FAM153A: variants seen among roughly 807,000 people sequenced by gnomAD.
The protein encoded by FAM153A is protein FAM153A.
FAM153A carries 12 observed loss-of-function variants against 48.1 expected under a neutral mutation model. That is an observed-to-expected ratio of 0.25 (90% confidence interval 0.16 to 0.40). The LOEUF (loss-of-function observed/expected upper bound fraction) is 0.40. Among genes scored for constraint, FAM153A ranks in the 10% least tolerant of loss-of-function variants. The pLI, the probability that FAM153A is intolerant of heterozygous loss-of-function variation, is 1.00. For synonymous variants in FAM153A, 36 were observed against 118.2 expected, an observed-to-expected ratio of 0.30 and a Z score of 4.51; for missense variants, 111 against 345.8, an observed-to-expected ratio of 0.32 and a Z score of 5.38.
Position 177,739,670 on chromosome 5 carries a change from T to C in FAM153A, c.467A>G (p.Asp156Gly). Residue 156 changes from aspartate to glycine, a missense_variant and splice_region_variant, in exon 9 of 21, where the codon GAT (aspartate) becomes GGT (glycine). Coordinates refer to ENST00000614127, the Ensembl canonical transcript of FAM153A. ...TTCTGCTATAAACTCCTCTAGATGATCTAGGAGAAATAGGGTAAGTGTCAC... is the reference window on the plus strand; with the variant it reads ...TTCTGCTATAAACTCCTCTAGATGACCTAGGAGAAATAGGGTAAGTGTCAC... 3 of 490,960 alleles carry C rather than the reference T, an allele frequency of 6.1e-6. 1 individual carries two copies. Among genetic ancestry groups the C allele is most frequent in the Non-Finnish European group, 9.2e-6 (3 of 324,644 alleles). The allele number at this position is 490,960 out of a possible 1,614,324, so 30.4% of individuals were successfully genotyped here.
At chr5:177,705,729 G>A (rs1202030111), downstream of FAM153A, among the ~76,000 whole-genome samples, 4 of 138,290 alleles carry the variant, frequency 2.9e-5, no homozygotes, top group South Asian at 2.3e-4. Context: ...ACATGATCTC[G>A]GCTCACTGCA....
intron 10 of FAM153A, among the ~76,000 whole-genome samples, chr5:177,738,558 A>T (rs990695853): frequency 8.6e-5 from 13 of 151,362 alleles, no homozygotes; most frequent in Non-Finnish European, 1.5e-4. Flanking sequence ...ATTACTTCAG[A>T]GTAGTAGCCC....
downstream of FAM153A, among the ~76,000 whole-genome samples, chr5:177,705,749 T>G (rs1757828842): frequency 6.8e-6 from 1 of 147,092 alleles, no homozygotes; most frequent in African/African-American, 2.5e-5. Context: ...AACCTCTGCT[T>G]CCTGGGTTCA....
In FAM153A at chr5:177,767,961, C is replaced by G. The variant is rs1337096309; in HGVS notation, c.-57+12488G>C. Among the ~76,000 whole-genome samples the G allele has an allele frequency of 1.5e-4, 13 of 84,078 alleles. 2 individuals carry two copies. Among genetic ancestry groups the G allele is most frequent in the African/African-American group, 5.9e-4 (13 of 21,884 alleles). 55.2% of individuals were successfully genotyped at this position (84,078 alleles called of 152,430 possible). The stretch of plus-strand genomic sequence containing the variant: ...CATCCTCTAAGTCAATTCTCACACT[C>G]TATCTGCAGATAGCATCAGATTGCA... On this transcript the variant is annotated intron_variant, in intron 1 of 8. Coordinates refer to the FAM153A transcript ENST00000393518.
chr5:177,728,556 T>TTG (rs1338408301), intron 18 of FAM153A, among the ~76,000 whole-genome samples: 16 of 146,626 alleles, frequency 1.1e-4, no homozygotes, highest in Middle Eastern at 3.5e-3. Context: ...TTGGGGTGTT[T>TTG]TTTTTTTTGT....
chr5:177,706,587 T>A (rs1757911658), downstream of FAM153A: 1 of 152,004 alleles, frequency 6.6e-6, no homozygotes, highest in African/African-American at 2.4e-5. Context: ...ATTTTATTTA[T>A]GGCACATGAA....
upstream of FAM153A, among the ~76,000 whole-genome samples, chr5:177,781,301 C>G (rs558144533): frequency 0.076 from 9,303 of 122,822 alleles, 105 homozygotes; most frequent in African/African-American, 0.099. Context: ...ATTTTTAGTA[C>G]AGACAGGGTT....
upstream of FAM153A, among the ~76,000 whole-genome samples, chr5:177,755,030 C>A (rs1387849685): frequency 6.6e-6 from 1 of 151,822 alleles, no homozygotes; most frequent in Admixed American, 6.6e-5. Context: ...GATGATCAAA[C>A]TTCTCTGAGC....
At position 177,749,523 on chromosome 5, in the gene FAM153A, A is replaced by C. The variant is rs867410710; in HGVS notation, c.176-824T>G. 5.0e-5 allele frequency among the ~76,000 whole-genome samples: 5 copies of C among 99,922 alleles called. 2 individuals are homozygous for C. Among genetic ancestry groups the C allele is most frequent in the South Asian group, 7.1e-4 (2 of 2,800 alleles). The allele number at this position is 99,922 out of a possible 152,430, so 65.6% of individuals were successfully genotyped here. The stretch of plus-strand genomic sequence containing the variant: ...TCCCATAATCATTAAGAAAATAATA[A>C]CAGAATACTTTCAACAAATCTATGC... On this transcript the variant is annotated intron_variant, in intron 2 of 20. Coordinates refer to ENST00000614127, the Ensembl canonical transcript of FAM153A.
chr5:177,695,871 ATGATGGGCGGC>A, the FAM153A span, among the ~76,000 whole-genome samples: 1 of 146,276 alleles, frequency 6.8e-6, no homozygotes, highest in African/African-American at 2.6e-5. Context: ...CACTTCCCAG[ATGATGGGCGGC>A]CGGGCAGAGG....
chr5:177,717,559 A>G (rs1198733415), downstream of FAM153A, among the ~76,000 whole-genome samples: 1 of 150,968 alleles, frequency 6.6e-6, no homozygotes, highest in East Asian at 1.9e-4. Context: ...ACAGATGACT[A>G]ATAACAAAAG....
downstream of FAM153A, among the ~76,000 whole-genome samples, chr5:177,706,348 C>CA (rs1251723970): frequency 6.6e-6 from 1 of 151,594 alleles, no homozygotes; most frequent in African/African-American, 2.4e-5. Context: ...AGGCACCTGC[C>CA]ACCAAGCCTG....
rs1759494579 is a variant in FAM153A at position 177,715,381 on chromosome 5, GATA to G, written c.*1222+961_*1222+963del. Among the ~76,000 whole-genome samples the G allele has an allele frequency of 3.3e-5, 5 of 150,764 alleles. No individual in the cohort carries two copies. The South Asian group carries it at 8.4e-4, about 25-fold the overall frequency. ...GAGTTCTGTAGCTGTCACTCAATAA[GATA>G]AGAAAGCTACTGATCTCACCAAATC... On this transcript the variant is annotated intron_variant and NMD_transcript_variant, in intron 25 of 26. Coordinates refer to the FAM153A transcript ENST00000360669.
chr5:177,718,918 A>T (rs1474460080), downstream of FAM153A, among the ~76,000 whole-genome samples: 3 of 151,410 alleles, frequency 2.0e-5, no homozygotes, highest in African/African-American at 7.3e-5. Flanking sequence ...GTCTTGTTCT[A>T]TTATCCAGAC....
At chr5:177,699,534 C>T in the FAM153A span, among the ~76,000 whole-genome samples, 1 of 152,050 alleles carries the variant, frequency 6.6e-6, no homozygotes, top group Non-Finnish European at 1.5e-5. Context: ...GTAGATGTTA[C>T]TACTGACCTT....
intron 10 of FAM153A, among the ~76,000 whole-genome samples, chr5:177,738,685 C>G (rs1765070380): frequency 6.6e-6 from 1 of 151,170 alleles, no homozygotes; most frequent in Non-Finnish European, 1.5e-5. Flanking sequence ...GGATATTAAA[C>G]TGGCCTTCAG....
At chr5:177,725,296 A>G (rs1762170657) in intron 18 of FAM153A, among the ~76,000 whole-genome samples, 1 of 142,076 alleles carries the variant, frequency 7.0e-6, no homozygotes, top group African/African-American at 2.9e-5. Flanking sequence ...GCCTCCAATC[A>G]ACCCACGGAT....
At chr5:177,700,338 C>T in the FAM153A span, among the ~76,000 whole-genome samples, 5 of 151,800 alleles carry the variant, frequency 3.3e-5, no homozygotes, top group Admixed American at 1.3e-4. Context: ...AATTTCTAAC[C>T]AGACAGGCTA....
At chr5:177,703,011 C>T (rs1696906), downstream of FAM153A, among the ~76,000 whole-genome samples, 2,219 of 122,782 alleles carry the variant, frequency 0.018, 19 homozygotes, top group Middle Eastern at 0.043. Context: ...GGATTTCCCA[C>T]GCAGAGTCCC....
Sources: gnomAD v4.1 joint callset for allele counts (sites outside exome capture counted in the v4.1 genomes callset) on GRCh38, gnomAD v4.1.1 for gene constraint, MANE v1.5 for transcripts, NCBI Gene and HGNC (gene_info 2026-07-23, HGNC 2026-07-21) for gene names.